ZW10: variants seen among roughly 807,000 people sequenced by gnomAD.
The protein encoded by ZW10 is centromere/kinetochore protein zw10 homolog.
A neutral mutation model predicts 87.8 loss-of-function variants in ZW10; 53 were observed. The observed-to-expected ratio is 0.60, with a 90% CI of 0.48 to 0.76. ZW10 has a LOEUF of 0.76. Ranked by LOEUF, ZW10 falls within the 30% of genes least tolerant of loss-of-function variation. ZW10 has a pLI of 0.00. For missense variants in ZW10, 837 were observed against 923.0 expected (o/e 0.91, Z 1.21); for synonymous variants, 312 against 329.2 (o/e 0.95, Z 0.57).
Position 113,733,765 on chromosome 11 carries a change from C to A in ZW10, c.2269G>T (p.Val757Leu), listed in dbSNP as rs955489062. 2 of 1,613,892 alleles carry A rather than the reference C, an allele frequency of 1.2e-6. No homozygotes were observed. Among genetic ancestry groups the A allele is most frequent in the Admixed American group, 1.7e-5 (1 of 59,988 alleles). The change falls in exon 16 of 16, where the codon GTA (valine) becomes TTA (leucine). Residue 757 changes from valine (V) to leucine (L), a missense_variant. By Grantham distance (32) the Val-to-Leu change is conservative (BLOSUM62 1). Transcript: ENST00000200135. The part of the protein sequence containing the change: ...PLAAAFSSSE[V>L]KALIRALFQN... ...AACAAGGCACGAATTAAAGCTTTTA[C>A]TTCACTGGAAGAGAACGCAGCTGCC...
chr11:113,739,426 A>C (rs1253466059), intron 11 of ZW10, 44 bp from the exon 12 acceptor site: 2 of 1,544,052 alleles, frequency 1.3e-6, no homozygotes, highest in Non-Finnish European at 1.7e-6. Context: ...ACCACCTGTT[A>C]CTGAAGCTGG....
chr11:113,765,392 A>T (rs1226789994), intron 2 of ZW10, among the ~76,000 whole-genome samples: 1 of 152,188 alleles, frequency 6.6e-6, no homozygotes, highest in African/African-American at 2.4e-5. Flanking sequence ...GGGTGAGACC[A>T]TGTCTAAGAT....
intron 8 of ZW10, 141 bp from the exon 9 acceptor site, chr11:113,747,854 A>C (rs969261215): frequency 2.1e-5 from 12 of 564,270 alleles, no homozygotes; most frequent in Non-Finnish European, 2.9e-6. Flanking sequence ...GTATAAAAAT[A>C]TACATATTTC....
At chr11:113,737,110 A>C (rs951818280) in intron 14 of ZW10, among the ~76,000 whole-genome samples, 3 of 152,226 alleles carry the variant, frequency 2.0e-5, no homozygotes, top group African/African-American at 7.2e-5. Flanking sequence ...AGGGGATGTG[A>C]TTACAAATAG....
intron 7 of ZW10, among the ~76,000 whole-genome samples, chr11:113,748,835 G>A (rs1286892488): frequency 6.6e-6 from 1 of 152,256 alleles, no homozygotes; most frequent in South Asian, 2.1e-4. Flanking sequence ...GTACTTTACA[G>A]TAAAACATAA....
At chr11:113,753,541 G>T (rs1422213763) in intron 7 of ZW10, among the ~76,000 whole-genome samples, 1 of 152,128 alleles carries the variant, frequency 6.6e-6, no homozygotes, top group Admixed American at 6.5e-5. Flanking sequence ...GAGCAGCTTG[G>T]ATTACAGATG....
At chr11:113,767,971 G>A (rs1953925546) in intron 2 of ZW10, among the ~76,000 whole-genome samples, 1 of 152,110 alleles carries the variant, frequency 6.6e-6, no homozygotes, top group Non-Finnish European at 1.5e-5. Flanking sequence ...ATTTCCTATA[G>A]GAAGCCATCC....
chr11:113,745,310 A>G (rs1452525233), intron 9 of ZW10, among the ~76,000 whole-genome samples: 2 of 152,048 alleles, frequency 1.3e-5, no homozygotes, highest in Admixed American at 6.5e-5. Context: ...TTAAAAAAAA[A>G]AAAAAAGATA....
At chr11:113,745,372 T>C (rs952310959) in intron 9 of ZW10, among the ~76,000 whole-genome samples, 1 of 151,918 alleles carries the variant, frequency 6.6e-6, no homozygotes, top group Non-Finnish European at 1.5e-5. Flanking sequence ...ATAACAACTT[T>C]GCACATACTG....
rs1183568540 is a variant in ZW10 at position 113,747,855 on chromosome 11, T to C, written c.1090-142A>G. On this transcript the variant is annotated intron_variant, in intron 8 of 15. Coordinates refer to ENST00000200135, the MANE Select transcript of ZW10 (RefSeq NM_004724.4). ...CCATCAATTACTAGGTATAAAAATA[T>C]ACATATTTCCAGCCTTAAATTCATT... is the stretch of plus-strand genomic sequence containing the variant. The C allele has an allele frequency of 3.9e-5, 22 of 560,402 alleles. No individual in the cohort carries two copies. In the East Asian group the frequency reaches 6.5e-4, roughly 16 times the overall value. 34.7% of individuals were successfully genotyped at this position (560,402 alleles called of 1,614,324 possible).
intron 7 of ZW10, among the ~76,000 whole-genome samples, chr11:113,749,867 C>T: frequency 6.6e-6 from 1 of 152,200 alleles, no homozygotes; most frequent in East Asian, 1.9e-4. Flanking sequence ...TCATATAATA[C>T]ATTGCCAAAC....
chr11:113,760,097 TG>T (rs1953841117), intron 5 of ZW10, 111 bp downstream of exon 5: 1 of 1,294,984 alleles, frequency 7.7e-7, no homozygotes, highest in Non-Finnish European at 1.1e-6. Context: ...AATACAGACA[TG>T]GAAGATTATG....
At chr11:113,739,591 T>C (rs1305580623) in intron 11 of ZW10, among the ~76,000 whole-genome samples, 1 of 152,228 alleles carries the variant, frequency 6.6e-6, no homozygotes, top group Non-Finnish European at 1.5e-5. Flanking sequence ...AAAACTATCC[T>C]GGTGATTAAC....
rs866895511 is a variant in ZW10 at position 113,747,432 on chromosome 11, A to G, written c.1272+99T>C. The stretch of plus-strand genomic sequence containing the variant: ...AAGATTGATAACTTGACTCAGCTCA[A>G]CAACCGTCATCCTCTCTTCCACTTT... On this transcript the variant is annotated intron_variant, in intron 9 of 15. Coordinates refer to ENST00000200135, the MANE Select transcript of ZW10 (RefSeq NM_004724.4). The G allele has an allele frequency of 2.6e-6, 3 of 1,132,962 alleles. No individual in the cohort carries two copies. The African/African-American group carries it at 4.6e-5, about 18-fold the overall frequency. The allele number at this position is 1,132,962 out of a possible 1,614,324, so 70.2% of individuals were successfully genotyped here. A position where few individuals can be genotyped will look rare whatever the true frequency, so the allele number is the denominator to read the frequency against.
intron 10 of ZW10, among the ~76,000 whole-genome samples, chr11:113,742,314 A>G (rs1168370232): frequency 6.6e-6 from 1 of 152,230 alleles, no homozygotes; most frequent in Non-Finnish European, 1.5e-5. Context: ...TTATTATTAA[A>G]ATGCACTTTT....
Position 113,733,428 on chromosome 11 carries a change from T to C in ZW10, c.*266A>G. 2.3e-6 allele frequency: 1 copy of C among 431,848 alleles called. No individual in the cohort carries two copies. The highest frequency in any genetic ancestry group is 4.2e-6 in the Non-Finnish European group (1 of 240,620). 26.8% of individuals were successfully genotyped at this position (431,848 alleles called of 1,614,324 possible). On this transcript the variant is annotated 3_prime_UTR_variant, in exon 16 of 16. Coordinates refer to ENST00000200135, the MANE Select transcript of ZW10 (RefSeq NM_004724.4). ...CTCTGGAAGCAGCATGAAATAATGC[T>C]GCCTGACAGTTTGTTAGCTAATCAA... is the stretch of plus-strand genomic sequence containing the variant.
At position 113,747,284 on chromosome 11, in the gene ZW10, T is replaced by C. The variant is rs2511051; in HGVS notation, c.1272+247A>G. On this transcript the variant is annotated intron_variant, in intron 9 of 15. Transcript: ENST00000200135. ...ACTTCAACAATAATAATCCATTACA[T>C]GTATGTAGACTTTTTCAATTTATAC... 5.9e-3 allele frequency among the ~76,000 whole-genome samples: 899 copies of C among 152,270 alleles called. 4 individuals are homozygous for C. The highest frequency in any genetic ancestry group is 8.7e-3 in the Non-Finnish European group (590 of 68,014).
chr11:113,757,965 C>T, intron 6 of ZW10, 112 bp from the exon 7 acceptor site: 1 of 773,576 alleles, frequency 1.3e-6, no homozygotes, highest in Admixed American at 3.3e-5. Flanking sequence ...GCAGGTGGAT[C>T]ATCTGAGGCC....
At chr11:113,769,287 C>T (rs1033763421) in intron 1 of ZW10, among the ~76,000 whole-genome samples, 3 of 150,976 alleles carry the variant, frequency 2.0e-5, no homozygotes, top group African/African-American at 2.4e-5. Flanking sequence ...CAAACCCCAA[C>T]GGCGCCCAAG....
Sources: allele counts gnomAD v4.1 joint callset (sites outside exome capture counted in the v4.1 genomes callset), GRCh38; gene constraint gnomAD v4.1.1; transcripts MANE v1.5; gene names NCBI Gene and HGNC (gene_info 2026-07-23, HGNC 2026-07-21).